CELSR1: variants seen among roughly 807,000 people sequenced by gnomAD.
CELSR1 encodes the protein cadherin EGF LAG seven-pass G-type receptor 1, also known as adhesion G protein-coupled receptor C1.
CELSR1 carries 110 observed loss-of-function variants against 249.1 expected under a neutral mutation model. The observed-to-expected ratio is 0.44, with a 90% CI of 0.38 to 0.52. The LOEUF (loss-of-function observed/expected upper bound fraction) is 0.52. CELSR1 is among the 20% of genes least tolerant of loss of function. The probability of loss-of-function intolerance (pLI) is 0.00; values close to 1 mark genes in which losing one functional copy is unlikely to be tolerated. For missense variants in CELSR1, 4,109 were observed against 4,296.4 expected, an observed-to-expected ratio of 0.96 and a Z score of 1.22; for synonymous variants, 2,113 against 1,900.0, an observed-to-expected ratio of 1.11 and a Z score of -2.92.
rs535507325 is a variant in CELSR1, at chr22:46,369,808, A to C, written c.7760-4T>G. On this transcript the variant is annotated splice_region_variant and splice_polypyrimidine_tract_variant and intron_variant, in intron 25 of 34. Coordinates refer to ENST00000674500, the MANE Select transcript of CELSR1 (RefSeq NM_001378328.1). ...GGGTCCAGGCCGACCGCCAGTCCTG[A>C]ACACAGCGGGGAGGAAGGGAAGGGT... 4.0e-5 allele frequency: 65 copies of C among 1,612,494 alleles called. No homozygotes were observed. The African/African-American group carries it at 7.3e-4, about 18-fold the overall frequency.
chr22:46,533,617 G>A lies in CELSR1; in HGVS notation c.3544+10C>T, dbSNP rs769525002. On this transcript the variant is annotated intron_variant, in intron 1 of 34. Transcript: ENST00000674500. ...CAGGAGCTACTCCTCCCACCCCGAC[G>A]GCCACTCACCAGACACAGACACCTC... 34 of 1,540,554 alleles carry A rather than the reference G, an allele frequency of 2.2e-5. No individual in the cohort carries two copies. Among genetic ancestry groups the A allele is most frequent in the Non-Finnish European group, 2.6e-5 (30 of 1,148,094 alleles).
Position 46,428,379 on chromosome 22 carries a change from G to A in CELSR1, c.4611+5014C>T, listed in dbSNP as rs1030702494. ...CCAGCACAGCATCGTCCCCGGCCAG[G>A]TGACGGATGCCGAGTGCCCCTTGGA... On this transcript the variant is annotated intron_variant, in intron 5 of 34. Coordinates refer to ENST00000674500, the MANE Select transcript of CELSR1 (RefSeq NM_001378328.1). The surrounding 1 kb of genome is among the most constrained non-coding windows in gnomAD (Gnocchi z 5.7). Among the ~76,000 whole-genome samples, 1 of 152,218 alleles carries A rather than the reference G, an allele frequency of 6.6e-6. No homozygotes were observed. Among genetic ancestry groups the A allele is most frequent in the East Asian group, 1.9e-4 (1 of 5,196 alleles).
chr22:46,411,518 C>T lies in CELSR1; in HGVS notation c.4769+84G>A, dbSNP rs113406605. On this transcript the variant is annotated intron_variant, in intron 6 of 34. Coordinates refer to ENST00000674500, the MANE Select transcript of CELSR1 (RefSeq NM_001378328.1). This position sits in a 1 kb window ranked among gnomAD's most constrained non-coding sequence, Gnocchi z 4.2. The stretch of plus-strand genomic sequence containing the variant: ...CAGGGCACTGCACCCAGAGTGCCTA[C>T]GTGGGGCCCTGCCCTGGGAAGGCCG... 359 of 1,526,188 alleles carry T rather than the reference C, an allele frequency of 2.4e-4. No individual in the cohort carries two copies. In the African/African-American group the frequency reaches 4.0e-3, roughly 17 times the overall value. The allele number at this position is 1,526,188 out of a possible 1,614,324, so 94.5% of individuals were successfully genotyped here.
intron 17 of CELSR1, 81 bp from the exon 18 acceptor site, chr22:46,389,580 C>T (rs890587057): frequency 2.2e-6 from 3 of 1,372,712 alleles, no homozygotes; most frequent in Non-Finnish European, 3.0e-6. Context: ...CAACTCACTA[C>T]TGTCTGGTGC....
At chr22:46,509,336 G>A (rs931484315) in intron 1 of CELSR1, among the ~76,000 whole-genome samples, 1 of 152,214 alleles carries the variant, frequency 6.6e-6, no homozygotes, top group East Asian at 1.9e-4. Flanking sequence ...GGGTGCAGAG[G>A]GGGTGATGGG....
At position 46,406,518 on chromosome 22, in the gene CELSR1, C is replaced by A. The variant is rs1046185077; in HGVS notation, c.5226+2478G>T. Reference sequence around the variant, plus strand: ...CTGCTGAGGGACTGACCTCCACCAGCCTGCTGGGAGCACTCTCGGTCCTGC... The same window carrying A: ...CTGCTGAGGGACTGACCTCCACCAGACTGCTGGGAGCACTCTCGGTCCTGC... On this transcript the variant is annotated intron_variant, in intron 9 of 34. Coordinates refer to ENST00000674500, the MANE Select transcript of CELSR1 (RefSeq NM_001378328.1). The surrounding 1 kb of genome is among the most constrained non-coding windows in gnomAD (Gnocchi z 5.4). Among the ~76,000 whole-genome samples the A allele has an allele frequency of 6.6e-6, 1 of 152,250 alleles. No homozygotes were observed. Among genetic ancestry groups the A allele is most frequent in the Admixed American group, 6.5e-5 (1 of 15,292 alleles).
In CELSR1 at chr22:46,517,814, G is replaced by A. The variant is rs1346417405; in HGVS notation, c.3544+15813C>T. Among the ~76,000 whole-genome samples, 1 of 152,142 alleles carries A rather than the reference G, an allele frequency of 6.6e-6. No homozygotes were observed. The highest frequency in any genetic ancestry group is 1.5e-5 in the Non-Finnish European group (1 of 68,028). ...TGGCACTTGGCATTGAGACCCAGAG[G>A]GAAAGGGAGGGTGAGCTGTCATCTG... On this transcript the variant is annotated intron_variant, in intron 1 of 34. Transcript: ENST00000674500. The surrounding 1 kb of genome is among the most constrained non-coding windows in gnomAD (Gnocchi z 5.4).
intron 1 of CELSR1, among the ~76,000 whole-genome samples, chr22:46,492,099 C>T (rs766693041): frequency 7.2e-5 from 11 of 152,228 alleles, no homozygotes; most frequent in Admixed American, 2.6e-4. Flanking sequence ...CAGGGCGCTG[C>T]GACCTGCAAT....
rs554534314 is a variant in CELSR1 at position 46,465,838 on chromosome 22, C to A, written c.3545-1493G>T. ...CAGGTGAGGAAAACGGAGGCAGAAG[C>A]CAAATTTCACACCCAGAAACGCAGG... is the stretch of plus-strand genomic sequence containing the variant. On this transcript the variant is annotated intron_variant, in intron 1 of 34. Coordinates refer to ENST00000674500, the MANE Select transcript of CELSR1 (RefSeq NM_001378328.1). 3.1e-4 allele frequency among the ~76,000 whole-genome samples: 47 copies of A among 152,344 alleles called. No homozygotes were observed. In the South Asian group the frequency reaches 9.3e-3, roughly 30 times the overall value.
chr22:46,369,151 C>G (rs369281554), intron 27 of CELSR1, 28 bp downstream of exon 27: 53 of 1,610,714 alleles, frequency 3.3e-5, no homozygotes, highest in Non-Finnish European at 4.4e-5. Context: ...GCCGACATGG[C>G]TGGCCGGTCA....
At chr22:46,389,261 C>G (rs564840080) in intron 18 of CELSR1, 29 bp downstream of exon 18, 1 of 1,599,178 alleles carries the variant, frequency 6.3e-7, no homozygotes, top group South Asian at 1.1e-5. Flanking sequence ...CCGAGTGTCC[C>G]CGAGCCAGGG....
Position 46,412,217 on chromosome 22 carries a change from C to T in CELSR1, c.4612-458G>A, listed in dbSNP as rs1202838234. ...AGGAAGGGTCCTCCCCTTCAGCCTT[C>T]GGAGGAGGCACGGCCCTACCCGCGC... On this transcript the variant is annotated intron_variant, in intron 5 of 34. Coordinates refer to ENST00000674500, the MANE Select transcript of CELSR1 (RefSeq NM_001378328.1). This position sits in a 1 kb window ranked among gnomAD's most constrained non-coding sequence, Gnocchi z 4.5. Among the ~76,000 whole-genome samples the T allele has an allele frequency of 2.0e-5, 3 of 152,172 alleles. No individual in the cohort carries two copies. The highest frequency in any genetic ancestry group is 1.3e-4 in the Admixed American group (2 of 15,280).
In CELSR1 at chr22:46,409,392, A is replaced by G. The variant is rs548510277; in HGVS notation, c.5060-230T>C. Among the ~76,000 whole-genome samples, 1 of 152,234 alleles carries G rather than the reference A, an allele frequency of 6.6e-6. No individual in the cohort carries two copies. The highest frequency in any genetic ancestry group is 1.9e-4 in the East Asian group (1 of 5,164). ...AGCCTCCTTGCTGGGAAGCATGAAG[A>G]TCTGCAGGCTCCCAGCCACAGATGG... On this transcript the variant is annotated intron_variant, in intron 8 of 34. Transcript: ENST00000674500. The surrounding 1 kb of genome is among the most constrained non-coding windows in gnomAD (Gnocchi z 9.8).
At position 46,464,432 on chromosome 22, in the gene CELSR1, T is replaced by C. The variant is rs1221783706; in HGVS notation, c.3545-87A>G. The C allele has an allele frequency of 2.8e-6, 4 of 1,437,690 alleles. No homozygotes were observed. The highest frequency in any genetic ancestry group is 3.8e-6 in the Non-Finnish European group (4 of 1,063,818). The allele number at this position is 1,437,690 out of a possible 1,614,324, so 89.1% of individuals were successfully genotyped here. A position where few individuals can be genotyped will look rare whatever the true frequency, so the allele number is the denominator to read the frequency against. The stretch of plus-strand genomic sequence containing the variant: ...CCCATCCCAGGAGCAGCCTCAGGCA[T>C]GCTTGGCAAAGGAGAAGAGAGCCTG... On this transcript the variant is annotated intron_variant, in intron 1 of 34. Transcript: ENST00000674500. The surrounding 1 kb of genome is among the most constrained non-coding windows in gnomAD (Gnocchi z 8.5).
rs2079614536 is a variant in CELSR1, at chr22:46,433,071, G to C, written c.4611+322C>G. 6.6e-6 allele frequency among the ~76,000 whole-genome samples: 1 copy of C among 151,906 alleles called. No homozygotes were observed. The highest frequency in any genetic ancestry group is 1.5e-5 in the Non-Finnish European group (1 of 67,992). Reference sequence around the variant, plus strand: ...AGATGGAATTTCGCTCTGTTACCCAGGCTGGAATACAGTGGCACGATCTCG... The same window carrying C: ...AGATGGAATTTCGCTCTGTTACCCACGCTGGAATACAGTGGCACGATCTCG... On this transcript the variant is annotated intron_variant, in intron 5 of 34. Transcript: ENST00000674500. This position sits in a 1 kb window ranked among gnomAD's most constrained non-coding sequence, Gnocchi z 5.7.
At chr22:46,443,633 C>T (rs2079781305) in intron 2 of CELSR1, among the ~76,000 whole-genome samples, 1 of 151,934 alleles carries the variant, frequency 6.6e-6, no homozygotes, top group Admixed American at 6.6e-5. Flanking sequence ...ACTCAATTTC[C>T]CGTCTACACA....
At chr22:46,442,960 T>C (rs1269948668) in intron 2 of CELSR1, among the ~76,000 whole-genome samples, 1 of 150,580 alleles carries the variant, frequency 6.6e-6, no homozygotes, top group East Asian at 1.9e-4. Context: ...TAACCGGGTG[T>C]GTTGGCGGGC....
chr22:46,394,651 T>C (rs2079129276), intron 13 of CELSR1, among the ~76,000 whole-genome samples: 1 of 152,224 alleles, frequency 6.6e-6, no homozygotes, highest in South Asian at 2.1e-4. Flanking sequence ...AATGCCAGCA[T>C]GAGATGCCCG....
intron 1 of CELSR1, among the ~76,000 whole-genome samples, chr22:46,524,875 G>A (rs1008288078): frequency 7.2e-5 from 11 of 152,152 alleles, no homozygotes; most frequent in African/African-American, 2.7e-4. Context: ...CCGTGCTTCT[G>A]CGCAGCTCCC....
Sources: allele counts gnomAD v4.1 joint callset (sites outside exome capture counted in the v4.1 genomes callset), GRCh38; gene constraint gnomAD v4.1.1; non-coding constraint Gnocchi (gnomAD v3.1); transcripts MANE v1.5; gene names NCBI Gene and HGNC (gene_info 2026-07-23, HGNC 2026-07-21).